WDR41: variants seen among roughly 807,000 people sequenced by gnomAD.
WDR41 encodes the protein WD repeat-containing protein 41.
Under a neutral mutation model 69.3 loss-of-function variants are expected in WDR41, and 63 were observed. That is an observed-to-expected ratio of 0.91 (90% CI 0.74 to 1.12). WDR41 has a LOEUF of 1.12. Among genes scored for constraint, WDR41 ranks in the 50% most tolerant of loss-of-function variants. The probability of loss-of-function intolerance (pLI) is 0.00; values close to 1 mark genes in which losing one functional copy is unlikely to be tolerated. For synonymous variants in WDR41, 185 were observed against 192.1 expected, an observed-to-expected ratio of 0.96 and a Z score of 0.31; for missense variants, 543 against 534.5, an observed-to-expected ratio of 1.02 and a Z score of -0.16.
intron 1 of WDR41, among the ~76,000 whole-genome samples, chr5:77,586,076 C>T (rs1744032675): frequency 6.6e-6 from 1 of 152,040 alleles, no homozygotes; most frequent in South Asian, 2.1e-4. Context: ...GTATATACTG[C>T]ATTTTAAACA....
chr5:77,616,879 T>G (rs1246883756), intron 1 of WDR41, among the ~76,000 whole-genome samples: 1 of 152,184 alleles, frequency 6.6e-6, no homozygotes, highest in African/African-American at 2.4e-5. Context: ...AGTTAAGACT[T>G]TCTTCTTCTT....
At chr5:77,474,345 G>C (rs1031078566) in intron 2 of WDR41, among the ~76,000 whole-genome samples, 31 of 152,090 alleles carry the variant, frequency 2.0e-4, no homozygotes, top group African/African-American at 6.8e-4. Context: ...AAAATGATGA[G>C]TTACTGGGTG....
intron 1 of WDR41, among the ~76,000 whole-genome samples, chr5:77,607,081 G>A (rs1306335565): frequency 6.6e-6 from 1 of 151,864 alleles, no homozygotes; most frequent in African/African-American, 2.4e-5. Context: ...GGAGAGAAAA[G>A]CAAAAAGCTC....
intron 8 of WDR41, among the ~76,000 whole-genome samples, chr5:77,441,988 T>A (rs1161550802): frequency 6.6e-6 from 1 of 152,150 alleles, no homozygotes; most frequent in Non-Finnish European, 1.5e-5. Context: ...AACAAGGAGA[T>A]ACCATTTATT....
chr5:77,517,927 C>A (rs558801951), intron 1 of WDR41, among the ~76,000 whole-genome samples: 138 of 152,050 alleles, frequency 9.1e-4, no homozygotes, highest in African/African-American at 3.2e-3. Context: ...ATTGTGTATA[C>A]CATCATTTGA....
chr5:77,480,009 C>T lies in WDR41; in HGVS notation c.167+9448G>A, dbSNP rs911701547. 1.4e-4 allele frequency: 21 copies of T among 151,938 alleles called. No individual in the cohort carries two copies. In the East Asian group the frequency reaches 1.7e-3, roughly 13 times the overall value. The allele number at this position is 151,938 out of a possible 1,614,324, so 9.4% of individuals were successfully genotyped here. A position where few individuals can be genotyped will look rare whatever the true frequency, so the allele number is the denominator to read the frequency against. ...ACAAACAACCACATCAAAAAGTGGG[C>T]GAAGGACATGAACAGACACTTCTCA... On this transcript the variant is annotated intron_variant, in intron 2 of 12. Coordinates refer to ENST00000296679, the MANE Select transcript of WDR41 (RefSeq NM_018268.4).
At chr5:77,529,711 T>C (rs936213042) in intron 1 of WDR41, among the ~76,000 whole-genome samples, 3 of 151,354 alleles carry the variant, frequency 2.0e-5, no homozygotes, top group African/African-American at 7.3e-5. Flanking sequence ...AAGAAGCAAA[T>C]CCAGGCATAA....
intron 1 of WDR41, among the ~76,000 whole-genome samples, chr5:77,582,010 A>G (rs1182327587): frequency 6.9e-6 from 1 of 145,762 alleles, no homozygotes; most frequent in Non-Finnish European, 1.5e-5. Context: ...AGATAAATGA[A>G]ACAATTTTTT....
intron 1 of WDR41, among the ~76,000 whole-genome samples, chr5:77,490,486 A>G (rs1264634902): frequency 1.3e-5 from 2 of 152,224 alleles, no homozygotes; most frequent in Non-Finnish European, 2.9e-5. Context: ...TGCATAAATT[A>G]GGGACAATCA....
intron 1 of WDR41, chr5:77,545,414 C>T (rs949094565): frequency 9.5e-5 from 16 of 168,988 alleles, no homozygotes; most frequent in African/African-American, 2.6e-4. Context: ...CAGTGCAGCA[C>T]GGGGACAGGT....
At chr5:77,490,657 T>C (rs1801734302) in intron 1 of WDR41, among the ~76,000 whole-genome samples, 1 of 151,774 alleles carries the variant, frequency 6.6e-6, no homozygotes, top group South Asian at 2.1e-4. Context: ...CTAGAAGAGA[T>C]TGTGGTGAGA....
chr5:77,434,872 A>G (rs1191907279), intron 12 of WDR41, among the ~76,000 whole-genome samples: 1 of 151,880 alleles, frequency 6.6e-6, no homozygotes, highest in Non-Finnish European at 1.5e-5. Flanking sequence ...ATTCAAACAC[A>G]TTTTGAATGT....
intron 1 of WDR41, among the ~76,000 whole-genome samples, chr5:77,515,757 C>CA (rs1302939182): frequency 6.6e-6 from 1 of 151,306 alleles, no homozygotes; most frequent in Non-Finnish European, 1.5e-5. Flanking sequence ...TGTCATTGAC[C>CA]AAAAAAAATC....
intron 1 of WDR41, among the ~76,000 whole-genome samples, chr5:77,530,281 G>A (rs2884882): frequency 0.9 from 136,019 of 151,634 alleles, 61,320 homozygotes; most frequent in East Asian, 0.99. Flanking sequence ...TGTTTACCCA[G>A]GAGAAATGAA....
intron 1 of WDR41, chr5:77,546,408 AT>A (rs776912482): frequency 4.7e-5 from 9 of 190,116 alleles, no homozygotes; most frequent in Non-Finnish European, 8.6e-5. Flanking sequence ...AAAAATCCAA[AT>A]AAGCTCAGTA....
chr5:77,551,670 T>A (rs1313754895), intron 1 of WDR41, among the ~76,000 whole-genome samples: 2 of 151,048 alleles, frequency 1.3e-5, no homozygotes, highest in African/African-American at 4.9e-5. Flanking sequence ...AGAGTGAGAC[T>A]CTGACTCAAA....
At chr5:77,595,749 T>C (rs1334241174) in intron 1 of WDR41, among the ~76,000 whole-genome samples, 1 of 152,246 alleles carries the variant, frequency 6.6e-6, no homozygotes, top group Non-Finnish European at 1.5e-5. Flanking sequence ...CTAATGATTA[T>C]ATTTATCTAA....
At chr5:77,512,315 A>T (rs1802214565) in intron 1 of WDR41, among the ~76,000 whole-genome samples, 1 of 139,390 alleles carries the variant, frequency 7.2e-6, no homozygotes. Context: ...CATGGTCTGT[A>T]ATTACATGGG....
chr5:77,552,872 C>T (rs1743322605), intron 1 of WDR41, among the ~76,000 whole-genome samples: 1 of 152,170 alleles, frequency 6.6e-6, no homozygotes, highest in African/African-American at 2.4e-5. Context: ...AAATTTCATG[C>T]TTTATATAAA....
Sources: allele counts gnomAD v4.1 joint callset (sites outside exome capture counted in the v4.1 genomes callset), GRCh38; gene constraint gnomAD v4.1.1; transcripts MANE v1.5; gene names NCBI Gene and HGNC (gene_info 2026-07-23, HGNC 2026-07-21).